Variants in RPTOR observed in about 807,000 individuals in gnomAD.
The protein encoded by RPTOR is regulatory associated protein of MTOR complex 1, also known as regulatory-associated protein of mTOR.
RPTOR carries 21 observed loss-of-function variants against 169.9 expected under a neutral mutation model. The observed-to-expected ratio is 0.12, with a 90% confidence interval of 0.09 to 0.18. The LOEUF (loss-of-function observed/expected upper bound fraction) is 0.18, where lower values mean the gene tolerates loss of function less well. Among genes scored for constraint, RPTOR ranks in the 10% least tolerant of loss-of-function variants. The pLI, the probability that RPTOR is intolerant of heterozygous loss-of-function variation, is 1.00. For missense variants in RPTOR, 1,133 were observed against 1,855.9 expected (o/e 0.61, Z 7.16); for synonymous variants, 732 against 753.2 (o/e 0.97, Z 0.46).
intron 10 of RPTOR, among the ~76,000 whole-genome samples, chr17:80,842,283 T>C (rs763850225): frequency 1.6e-4 from 25 of 152,270 alleles, no homozygotes; most frequent in Non-Finnish European, 3.4e-4. Context: ...TTTGTATTAA[T>C]TTTTATTTTT....
chr17:80,779,215 C>T (rs2066916986), intron 6 of RPTOR, among the ~76,000 whole-genome samples: 1 of 152,206 alleles, frequency 6.6e-6, no homozygotes, highest in Admixed American at 6.5e-5. Context: ...GCTGGCTTTC[C>T]ATTCAGTGGT....
At chr17:80,668,117 ACAGTTAC>A (rs66465164) in intron 3 of RPTOR, among the ~76,000 whole-genome samples, 26,960 of 151,994 alleles carry the variant, frequency 0.18, 2,792 homozygotes, top group East Asian at 0.24. Flanking sequence ...ACAGCAGTAA[ACAGTTAC>A]CACATTTCCC....
chr17:80,587,311 T>G (rs1269939380), intron 1 of RPTOR, among the ~76,000 whole-genome samples: 2 of 152,284 alleles, frequency 1.3e-5, no homozygotes, highest in African/African-American at 4.8e-5. Context: ...CTGCGCTCTT[T>G]TGTGTCTTGT....
intron 29 of RPTOR, among the ~76,000 whole-genome samples, chr17:80,958,583 T>G (rs1378470194): frequency 1.3e-5 from 2 of 151,706 alleles, no homozygotes; most frequent in African/African-American, 4.8e-5. Flanking sequence ...GCTAATTTTT[T>G]TTTTGTATTT....
At chr17:80,670,331 C>G (rs2065812262) in intron 3 of RPTOR, among the ~76,000 whole-genome samples, 1 of 152,154 alleles carries the variant, frequency 6.6e-6, no homozygotes, top group Admixed American at 6.5e-5. Flanking sequence ...CCTTCCCTCT[C>G]CTTTCCCACT....
chr17:80,738,547 C>A (rs906156611), intron 5 of RPTOR, among the ~76,000 whole-genome samples: 1 of 150,876 alleles, frequency 6.6e-6, no homozygotes, highest in South Asian at 2.1e-4. Flanking sequence ...TTAGCACAGG[C>A]AGCTTCCAGG....
chr17:80,857,020 C>T (rs1031270760), intron 12 of RPTOR, among the ~76,000 whole-genome samples: 5 of 152,168 alleles, frequency 3.3e-5, no homozygotes, highest in African/African-American at 1.2e-4. Flanking sequence ...GTCTTGGTTA[C>T]AGGGGACCTC....
chr17:80,640,802 TC>T (rs2065547477), intron 2 of RPTOR, among the ~76,000 whole-genome samples: 1 of 152,152 alleles, frequency 6.6e-6, no homozygotes, highest in African/African-American at 2.4e-5. Context: ...GGGAACTCCC[TC>T]CCTTCTTCCT....
intron 3 of RPTOR, among the ~76,000 whole-genome samples, chr17:80,688,846 C>T (rs1464224367): frequency 1.3e-5 from 2 of 152,234 alleles, no homozygotes; most frequent in East Asian, 1.9e-4. Flanking sequence ...TGGCCCAGGC[C>T]GGCGCATGTT....
At chr17:80,868,037 C>T (rs115472507) in intron 13 of RPTOR, among the ~76,000 whole-genome samples, 1,821 of 152,180 alleles carry the variant, frequency 0.012, 30 homozygotes, top group African/African-American at 0.042. Flanking sequence ...TACTCAAGAT[C>T]GGAAATAGCT....
At chr17:80,685,618 TATATATA>T (rs2065935573) in intron 3 of RPTOR, among the ~76,000 whole-genome samples, 5 of 25,148 alleles carry the variant, frequency 2.0e-4, no homozygotes, top group East Asian at 1.3e-3. Context: ...TATATATATA[TATATATA>T]TATTTTTTTT....
At chr17:80,727,366 G>A (rs1280948943) in intron 4 of RPTOR, among the ~76,000 whole-genome samples, 1 of 149,950 alleles carries the variant, frequency 6.7e-6, no homozygotes, top group East Asian at 2.0e-4. Flanking sequence ...CATGGACATT[G>A]CACTTCTGAT....
At chr17:80,905,627 G>A (rs2068532031) in intron 20 of RPTOR, among the ~76,000 whole-genome samples, 1 of 151,294 alleles carries the variant, frequency 6.6e-6, no homozygotes, top group South Asian at 2.1e-4. Context: ...GATGAAAGTA[G>A]CAGCTAATAC....
rs187560673 is a variant in RPTOR, at chr17:80,613,719, C to G, written c.163-11972C>G. Reference sequence around the variant, plus strand: ...TTGTTGAATGAAGTGGTGTTGGACTCGGGCTGGGCCGCGTGTTGTGTGGAC... The same window carrying G: ...TTGTTGAATGAAGTGGTGTTGGACTGGGGCTGGGCCGCGTGTTGTGTGGAC... On this transcript the variant is annotated intron_variant, in intron 1 of 33. Transcript: ENST00000306801. 2.3e-3 allele frequency among the ~76,000 whole-genome samples: 337 copies of G among 147,042 alleles called. 1 individual carries two copies. The highest frequency in any genetic ancestry group is 4.6e-3 in the Admixed American group (68 of 14,840).
chr17:80,962,374 C>T, intron 31 of RPTOR, 87 bp from the exon 32 acceptor site: 1 of 1,026,926 alleles, frequency 9.7e-7, no homozygotes, highest in East Asian at 2.4e-5. Flanking sequence ...AGGTGTGCGA[C>T]CCCACACACC....
intron 6 of RPTOR, among the ~76,000 whole-genome samples, chr17:80,760,178 GACGC>G (rs992140275): frequency 1.3e-5 from 2 of 152,108 alleles, no homozygotes; most frequent in African/African-American, 4.8e-5. Context: ...TGAAGGGGCA[GACGC>G]ACTTGGGTTA....
chr17:80,831,131 T>C (rs2067499266), intron 9 of RPTOR, among the ~76,000 whole-genome samples: 1 of 152,184 alleles, frequency 6.6e-6, no homozygotes, highest in South Asian at 2.1e-4. Flanking sequence ...TTTTCCCAAA[T>C]GCGCTACACA....
At chr17:80,627,926 C>T (rs983368831) in intron 2 of RPTOR, among the ~76,000 whole-genome samples, 3 of 151,730 alleles carry the variant, frequency 2.0e-5, no homozygotes, top group African/African-American at 4.8e-5. Context: ...ACAACCTCTG[C>T]CTCCCGGGTT....
chr17:80,605,051 C>T (rs556242214), intron 1 of RPTOR, among the ~76,000 whole-genome samples: 1 of 152,220 alleles, frequency 6.6e-6, no homozygotes, highest in African/African-American at 2.4e-5. Flanking sequence ...GGAGCCACCA[C>T]ACCTGGCTGA....
Sources: gnomAD v4.1 joint callset for allele counts (sites outside exome capture counted in the v4.1 genomes callset) on GRCh38, gnomAD v4.1.1 for gene constraint, MANE v1.5 for transcripts, NCBI Gene and HGNC (gene_info 2026-07-23, HGNC 2026-07-21) for gene names.